SNX7: variants seen among roughly 807,000 people sequenced by gnomAD.
The protein encoded by SNX7 is sorting nexin-7.
A neutral mutation model predicts 48.4 loss-of-function variants in SNX7; 35 were observed. The observed-to-expected ratio is 0.72, with a 90% CI of 0.55 to 0.96. The LOEUF (loss-of-function observed/expected upper bound fraction) is 0.96. SNX7 is among the 40% of genes least tolerant of loss of function. The pLI is 0.00. For synonymous variants in SNX7, 190 were observed against 190.2 expected, an observed-to-expected ratio of 1.00 and a Z score of 0.01; for missense variants, 553 against 548.9, an observed-to-expected ratio of 1.01 and a Z score of -0.07.
intron 7 of SNX7, among the ~76,000 whole-genome samples, chr1:98,727,299 TAAAAG>T (rs1229731737): frequency 8.5e-5 from 13 of 152,138 alleles, no homozygotes; most frequent in African/African-American, 3.1e-4. Flanking sequence ...GCCTGACTGT[TAAAAG>T]AAAAACAAAC....
chr1:98,677,599 G>T (rs1650233680), intron 1 of SNX7, among the ~76,000 whole-genome samples: 1 of 152,110 alleles, frequency 6.6e-6, no homozygotes, highest in South Asian at 2.1e-4. Context: ...AGGTATATAG[G>T]CCAGGGGCAG....
intron 8 of SNX7, among the ~76,000 whole-genome samples, chr1:98,747,977 A>AC (rs1351566195): frequency 9.4e-6 from 1 of 106,886 alleles, no homozygotes; most frequent in African/African-American, 3.3e-5. Flanking sequence ...ACAGGTTTTT[A>AC]CTTTTTTTTT....
intron 8 of SNX7, among the ~76,000 whole-genome samples, chr1:98,756,182 A>G (rs1210561331): frequency 6.6e-6 from 1 of 151,966 alleles, no homozygotes; most frequent in African/African-American, 2.4e-5. Flanking sequence ...TACTTCATAT[A>G]TAAGAACCTA....
intron 4 of SNX7, among the ~76,000 whole-genome samples, chr1:98,693,829 A>AG (rs1409304288): frequency 6.6e-6 from 1 of 152,202 alleles, no homozygotes; most frequent in Non-Finnish European, 1.5e-5. Context: ...TCTGTAAATT[A>AG]GGTAGTCAGC....
At chr1:98,711,511 G>T (rs1333547522) in intron 7 of SNX7, among the ~76,000 whole-genome samples, 1 of 152,134 alleles carries the variant, frequency 6.6e-6, no homozygotes, top group East Asian at 1.9e-4. Flanking sequence ...GGATATAAAA[G>T]TTATGTTTGC....
chr1:98,712,328 A>G (rs1420512709), intron 7 of SNX7, among the ~76,000 whole-genome samples: 2 of 152,182 alleles, frequency 1.3e-5, no homozygotes, highest in East Asian at 3.9e-4. Context: ...ACAGCCTGAC[A>G]AAATGTATTT....
intron 1 of SNX7, among the ~76,000 whole-genome samples, chr1:98,676,024 A>G (rs1175920509): frequency 6.6e-6 from 1 of 152,144 alleles, no homozygotes; most frequent in African/African-American, 2.4e-5. Context: ...AAATAAAGAA[A>G]ATCACATAGA....
At chr1:98,754,277 T>G (rs1242117675) in intron 8 of SNX7, among the ~76,000 whole-genome samples, 1 of 152,092 alleles carries the variant, frequency 6.6e-6, no homozygotes, top group Non-Finnish European at 1.5e-5. Flanking sequence ...AAAATTTTAT[T>G]TAGAAGTTTT....
At chr1:98,704,468 C>G (rs556874113) in intron 7 of SNX7, among the ~76,000 whole-genome samples, 1 of 152,140 alleles carries the variant, frequency 6.6e-6, no homozygotes, top group African/African-American at 2.4e-5. Context: ...TAGGCCTTCT[C>G]ACTTTTAAAA....
intron 8 of SNX7, among the ~76,000 whole-genome samples, chr1:98,739,867 G>A (rs1319791496): frequency 6.6e-6 from 1 of 152,146 alleles, no homozygotes; most frequent in East Asian, 1.9e-4. Context: ...TACCTTTAAG[G>A]GAAATGGGAG....
intron 4 of SNX7, among the ~76,000 whole-genome samples, chr1:98,692,806 A>T (rs906660271): frequency 6.6e-6 from 1 of 152,208 alleles, no homozygotes; most frequent in Non-Finnish European, 1.5e-5. Flanking sequence ...TCTCAACTGC[A>T]TATGGTGGCA....
chr1:98,725,767 G>A (rs896258782), intron 7 of SNX7, among the ~76,000 whole-genome samples: 2 of 152,160 alleles, frequency 1.3e-5, no homozygotes, highest in South Asian at 4.1e-4. Context: ...GATTTGAGAG[G>A]AATAATTTAT....
At chr1:98,759,558 T>G (rs914542349) in intron 8 of SNX7, among the ~76,000 whole-genome samples, 1 of 152,240 alleles carries the variant, frequency 6.6e-6, no homozygotes. Context: ...GCATTCTGCA[T>G]AGAGACTTAT....
rs79783881 is a variant in SNX7, at chr1:98,751,900, G to C, written c.1279-8154G>C. Among the ~76,000 whole-genome samples, 582 of 152,210 alleles carry C rather than the reference G, an allele frequency of 3.8e-3. 1 individual carries two copies. The highest frequency in any genetic ancestry group is 6.2e-3 in the Non-Finnish European group (422 of 67,984). ...TGTTGTTCTTGGTTCTCCCATGATAGTATGAGAATCCAAAGCTAGAATGAG... is the reference window on the plus strand; with the variant it reads ...TGTTGTTCTTGGTTCTCCCATGATACTATGAGAATCCAAAGCTAGAATGAG... On this transcript the variant is annotated intron_variant, in intron 8 of 8. Transcript: ENST00000306121.
chr1:98,723,180 A>G (rs1339306760), intron 7 of SNX7, among the ~76,000 whole-genome samples: 2 of 152,226 alleles, frequency 1.3e-5, no homozygotes, highest in African/African-American at 4.8e-5. Context: ...CAAAAAACAA[A>G]AAGAACAACA....
intron 1 of SNX7, among the ~76,000 whole-genome samples, chr1:98,663,253 G>GTTTTTTTTTTT (rs61588201): frequency 2.4e-5 from 1 of 41,508 alleles, no homozygotes; most frequent in Non-Finnish European, 5.5e-5. Flanking sequence ...TTTCTTTCTG[G>GTTTTTTTTTTT]TTTTTTTTTT....
chr1:98,727,978 G>A (rs966911907), intron 7 of SNX7, among the ~76,000 whole-genome samples: 2 of 152,090 alleles, frequency 1.3e-5, no homozygotes, highest in Admixed American at 1.3e-4. Flanking sequence ...ATATCATCCA[G>A]GAGAACTTCT....
intron 7 of SNX7, among the ~76,000 whole-genome samples, chr1:98,716,415 C>T (rs531917033): frequency 2.0e-5 from 3 of 152,230 alleles, no homozygotes; most frequent in African/African-American, 2.4e-5. Context: ...CCAGTGTGGA[C>T]ATTAGTCTTG....
intron 7 of SNX7, among the ~76,000 whole-genome samples, chr1:98,713,108 A>AAAAAAC (rs1256234703): frequency 1.4e-4 from 21 of 150,324 alleles, no homozygotes; most frequent in Admixed American, 2.6e-4. Context: ...AAAAAAAAAA[A>AAAAAAC]AAAACTTGTC....
Sources: gnomAD v4.1 joint callset for allele counts (sites outside exome capture counted in the v4.1 genomes callset) on GRCh38, gnomAD v4.1.1 for gene constraint, MANE v1.5 for transcripts, NCBI Gene and HGNC (gene_info 2026-07-23, HGNC 2026-07-21) for gene names.